RNF220: variants seen among roughly 807,000 people sequenced by gnomAD.
RNF220 encodes E3 ubiquitin-protein ligase RNF220.
Under a neutral mutation model 67.1 loss-of-function variants are expected in RNF220, and 7 were observed. The ratio of observed to expected loss-of-function variants is 0.10; its 90% CI spans 0.06 to 0.20. The LOEUF is 0.20. Among genes scored for constraint, RNF220 ranks in the 10% least tolerant of loss-of-function variants. The pLI, the probability that RNF220 is intolerant of heterozygous loss-of-function variation, is 1.00. For missense variants in RNF220, 565 were observed against 740.3 expected, an observed-to-expected ratio of 0.76 and a Z score of 2.75; for synonymous variants, 270 against 283.2, an observed-to-expected ratio of 0.95 and a Z score of 0.47.
intron 2 of RNF220, among the ~76,000 whole-genome samples, chr1:44,613,955 G>A (rs758494138): frequency 2.0e-5 from 3 of 152,204 alleles, no homozygotes; most frequent in Non-Finnish European, 4.4e-5. Flanking sequence ...TCTGAGAGGG[G>A]TGGCTGGCTG....
At position 44,649,382 on chromosome 1, in the gene RNF220, C is replaced by T. The variant is rs1644730832; in HGVS notation, c.1446-279C>T. 4.1e-6 allele frequency: 2 copies of T among 493,212 alleles called. No homozygotes were observed. The highest frequency in any genetic ancestry group is 7.4e-6 in the Non-Finnish European group (2 of 271,162). 30.6% of individuals were successfully genotyped at this position (493,212 alleles called of 1,614,324 possible). ...ATGCCGGAGATACTAGGAGAGATGA[C>T]AGATTTGGGTGGTTGGGAAGACTGC... On this transcript the variant is annotated intron_variant, in intron 12 of 14. Coordinates refer to ENST00000361799, the MANE Select transcript of RNF220 (RefSeq NM_018150.4). The surrounding 1 kb of genome is among the most constrained non-coding windows in gnomAD (Gnocchi z 5.9).
At position 44,621,884 on chromosome 1, in the gene RNF220, C is replaced by A. The variant is rs771227626; in HGVS notation, c.759-858C>A. The stretch of plus-strand genomic sequence containing the variant: ...TCCGTGCATTCATCAGCCAGCACTT[C>A]TGTGAGCATGTGTGTGTGTGTGTGA... On this transcript the variant is annotated intron_variant, in intron 3 of 14. Coordinates refer to ENST00000361799, the MANE Select transcript of RNF220 (RefSeq NM_018150.4). The surrounding 1 kb of genome is among the most constrained non-coding windows in gnomAD (Gnocchi z 4.8). Among the ~76,000 whole-genome samples, 73 of 151,990 alleles carry A rather than the reference C, an allele frequency of 4.8e-4. No individual in the cohort carries two copies. The highest frequency in any genetic ancestry group is 1.7e-3 in the African/African-American group (70 of 41,526).
chr1:44,419,566 T>C (rs1174057998), intron 2 of RNF220: 2 of 152,176 alleles, frequency 1.3e-5, no homozygotes, highest in Non-Finnish European at 2.9e-5. Flanking sequence ...TCTAAAAGGG[T>C]TTAGTGTTCA....
intron 2 of RNF220, among the ~76,000 whole-genome samples, chr1:44,434,202 G>C (rs796402965): frequency 3.8e-4 from 58 of 152,140 alleles, no homozygotes; most frequent in African/African-American, 1.3e-3. Context: ...AAGGGTTTGG[G>C]AATAGGGGGT....
chr1:44,455,527 AG>A (rs1653090681), intron 2 of RNF220, among the ~76,000 whole-genome samples: 1 of 152,196 alleles, frequency 6.6e-6, no homozygotes, highest in African/African-American at 2.4e-5. Flanking sequence ...AAAATGTGGT[AG>A]GGATTTAATA....
At chr1:44,633,138 TC>T (rs1644218847) in intron 6 of RNF220, among the ~76,000 whole-genome samples, 1 of 152,190 alleles carries the variant, frequency 6.6e-6, no homozygotes, top group African/African-American at 2.4e-5. Flanking sequence ...GATCCCCAGC[TC>T]TTATCACTTG....
At position 44,518,349 on chromosome 1, in the gene RNF220, C is replaced by T. The variant is rs377059800; in HGVS notation, c.626-95816C>T. Among the ~76,000 whole-genome samples the T allele has an allele frequency of 2.6e-3, 390 of 152,206 alleles. 2 individuals are homozygous for T. Among genetic ancestry groups the T allele is most frequent in the African/African-American group, 9.0e-3 (373 of 41,526 alleles). Reference sequence around the variant, plus strand: ...CTGAGATAGGAGGATCGCTTGAGCTCGGGAGTTGGAGGCTGCAGTGAGCTA... The same window carrying T: ...CTGAGATAGGAGGATCGCTTGAGCTTGGGAGTTGGAGGCTGCAGTGAGCTA... On this transcript the variant is annotated intron_variant, in intron 2 of 14. Coordinates refer to ENST00000361799, the MANE Select transcript of RNF220 (RefSeq NM_018150.4).
intron 2 of RNF220, among the ~76,000 whole-genome samples, chr1:44,503,333 CAAAAAAAA>C (rs34103792): frequency 2.4e-5 from 2 of 84,498 alleles, no homozygotes; most frequent in South Asian, 4.3e-4. Context: ...GATGCTGTCT[CAAAAAAAA>C]AAAAAAAAAA....
intron 2 of RNF220, among the ~76,000 whole-genome samples, chr1:44,439,395 T>G (rs1327591390): frequency 6.6e-6 from 1 of 152,120 alleles, no homozygotes; most frequent in Non-Finnish European, 1.5e-5. Flanking sequence ...CTTTTTCTAA[T>G]TGATTTTAAG....
chr1:44,415,733 G>A (rs1648464606), intron 2 of RNF220, among the ~76,000 whole-genome samples: 1 of 152,136 alleles, frequency 6.6e-6, no homozygotes, highest in Non-Finnish European at 1.5e-5. Flanking sequence ...GGTGGTGTGT[G>A]TCCTTTACTT....
chr1:44,494,162 C>A (rs1657110135), intron 2 of RNF220, among the ~76,000 whole-genome samples: 1 of 144,126 alleles, frequency 6.9e-6, no homozygotes, highest in African/African-American at 2.6e-5. Context: ...GCCAAAATCA[C>A]ACCATTGCAC....
intron 2 of RNF220, among the ~76,000 whole-genome samples, chr1:44,593,702 AG>A (rs1190491146): frequency 2.6e-5 from 4 of 152,198 alleles, no homozygotes; most frequent in Non-Finnish European, 5.9e-5. Flanking sequence ...TGGGTGACAG[AG>A]TGAGACCCTG....
intron 3 of RNF220, 33 bp downstream of exon 3, chr1:44,614,330 A>G (rs1247099568): frequency 1.9e-6 from 3 of 1,609,678 alleles, no homozygotes; most frequent in Non-Finnish European, 2.5e-6. Context: ...TGCCTGCTGG[A>G]GGAGTCCACT....
At chr1:44,429,274 A>AT (rs1372564192) in intron 2 of RNF220, among the ~76,000 whole-genome samples, 1 of 152,226 alleles carries the variant, frequency 6.6e-6, no homozygotes. Flanking sequence ...AACAGATAAG[A>AT]TTTTAACAAA....
rs1643894694 is a variant in RNF220, at chr1:44,624,900, G to A, written c.805-1397G>A. On this transcript the variant is annotated intron_variant, in intron 4 of 14. Transcript: ENST00000361799. This position sits in a 1 kb window ranked among gnomAD's most constrained non-coding sequence, Gnocchi z 4.2. ...GCAAAAAGTCATGATTTAATGCCGGGATTTTTTTTCAAAACACATTTTACT... is the reference window on the plus strand; with the variant it reads ...GCAAAAAGTCATGATTTAATGCCGGAATTTTTTTTCAAAACACATTTTACT... 6.6e-6 allele frequency among the ~76,000 whole-genome samples: 1 copy of A among 152,328 alleles called. No homozygotes were observed. Among genetic ancestry groups the A allele is most frequent in the South Asian group, 2.1e-4 (1 of 4,828 alleles).
chr1:44,569,692 T>C (rs546896686), intron 2 of RNF220, among the ~76,000 whole-genome samples: 1 of 152,152 alleles, frequency 6.6e-6, no homozygotes, highest in African/African-American at 2.4e-5. Context: ...ATCTCTACAC[T>C]ACCTGCTGAG....
chr1:44,609,130 A>G (rs183365758), intron 2 of RNF220, among the ~76,000 whole-genome samples: 7 of 152,262 alleles, frequency 4.6e-5, no homozygotes, highest in Admixed American at 3.3e-4. Context: ...TCACTAGGAA[A>G]TGGAAGTCTT....
In RNF220 at chr1:44,417,635, C is replaced by T. The variant is rs1248144729; in HGVS notation, c.625+4913C>T. 6.6e-6 allele frequency among the ~76,000 whole-genome samples: 1 copy of T among 152,222 alleles called. No individual in the cohort carries two copies. The highest frequency in any genetic ancestry group is 1.5e-5 in the Non-Finnish European group (1 of 68,038). On this transcript the variant is annotated intron_variant, in intron 2 of 14. Coordinates refer to ENST00000361799, the MANE Select transcript of RNF220 (RefSeq NM_018150.4). The surrounding 1 kb of genome is among the most constrained non-coding windows in gnomAD (Gnocchi z 4.0). The stretch of plus-strand genomic sequence containing the variant: ...CCGCAGCCGTCCTCCCTCCTCGCCC[C>T]GCGCCCTCCCTCCCATCAATTGTCA...
chr1:44,625,493 C>A (rs901703120), intron 4 of RNF220, among the ~76,000 whole-genome samples: 3 of 152,126 alleles, frequency 2.0e-5, no homozygotes, highest in Admixed American at 6.5e-5. Context: ...GGCGATTTGG[C>A]ATGGTTTTCT....
Sources: allele counts gnomAD v4.1 joint callset (sites outside exome capture counted in the v4.1 genomes callset), GRCh38; gene constraint gnomAD v4.1.1; non-coding constraint Gnocchi (gnomAD v3.1); transcripts MANE v1.5; gene names NCBI Gene and HGNC (gene_info 2026-07-23, HGNC 2026-07-21).